Variants in GPHN observed in about 807,000 individuals in gnomAD.
GPHN encodes the protein gephyrin.
In GPHN, 17 loss-of-function variants were observed where a neutral mutation model predicts 95.5. That is an observed-to-expected ratio of 0.18 (90% CI 0.12 to 0.27). GPHN has a LOEUF of 0.27. Among genes scored for constraint, GPHN ranks in the 10% least tolerant of loss-of-function variants. The pLI, the probability that GPHN is intolerant of heterozygous loss-of-function variation, is 1.00. For synonymous variants in GPHN, 320 were observed against 322.5 expected, an observed-to-expected ratio of 0.99 and a Z score of 0.08; for missense variants, 660 against 978.1, an observed-to-expected ratio of 0.67 and a Z score of 4.34.
At chr14:67,611,615 T>C in the GPHN span, among the ~76,000 whole-genome samples, 1 of 152,088 alleles carries the variant, frequency 6.6e-6, no homozygotes, top group Non-Finnish European at 1.5e-5. Context: ...CTTTCCCTAC[T>C]TTGTATCGGT....
intron 1 of GPHN, among the ~76,000 whole-genome samples, chr14:66,666,826 A>G (rs531520229): frequency 1.9e-4 from 29 of 152,300 alleles, no homozygotes; most frequent in African/African-American, 6.3e-4. Flanking sequence ...CATTCAAATA[A>G]GAAGAGAGGA....
chr14:67,400,842 TA>T, the GPHN span, among the ~76,000 whole-genome samples: 1 of 151,658 alleles, frequency 6.6e-6, no homozygotes, highest in Admixed American at 6.6e-5. Context: ...AATTAAAAAT[TA>T]GCTGGGCATG....
At chr14:67,049,351 C>A (rs893451764) in intron 10 of GPHN, among the ~76,000 whole-genome samples, 1 of 151,892 alleles carries the variant, frequency 6.6e-6, no homozygotes. Flanking sequence ...CCTCAGCCTC[C>A]GGAGTAGCTG....
the GPHN span, chr14:67,203,369 C>A: frequency 8.0e-7 from 1 of 1,249,234 alleles, no homozygotes; most frequent in South Asian, 1.6e-5. Flanking sequence ...AACGGAAACA[C>A]TGATGACAAT....
At chr14:67,140,701 C>T (rs1003597351) in intron 17 of GPHN, among the ~76,000 whole-genome samples, 2 of 152,098 alleles carry the variant, frequency 1.3e-5, no homozygotes, top group African/African-American at 2.4e-5. Context: ...TCCATTTACT[C>T]CATAGTAAAT....
the GPHN span, chr14:67,473,344 G>A: frequency 6.4e-7 from 1 of 1,555,114 alleles, no homozygotes; most frequent in Non-Finnish European, 8.7e-7. The surrounding 1 kb of genome is among the most constrained non-coding windows in gnomAD (Gnocchi z 6.5). Flanking sequence ...CTGCATGGAT[G>A]GGGCAACCTC....
intron 5 of GPHN, among the ~76,000 whole-genome samples, chr14:66,885,223 A>T (rs966713229): frequency 2.0e-5 from 3 of 151,996 alleles, no homozygotes; most frequent in South Asian, 4.1e-4. Flanking sequence ...TCTGTAGGGG[A>T]GCATAAGATG....
chr14:66,604,181 G>A (rs925936899), intron 1 of GPHN, among the ~76,000 whole-genome samples: 22 of 152,034 alleles, frequency 1.4e-4, no homozygotes, highest in African/African-American at 5.3e-4. Flanking sequence ...GAGCTGCAAA[G>A]TATAGGCAGT....
chr14:66,556,468 T>G (rs2140230089), intron 1 of GPHN, among the ~76,000 whole-genome samples: 1 of 152,310 alleles, frequency 6.6e-6, no homozygotes, highest in East Asian at 1.9e-4. Flanking sequence ...TCTGTACTCT[T>G]GGTTCCTGCC....
At chr14:67,078,700 A>G (rs2076584950) in intron 11 of GPHN, among the ~76,000 whole-genome samples, 1 of 152,146 alleles carries the variant, frequency 6.6e-6, no homozygotes, top group South Asian at 2.1e-4. Flanking sequence ...GACTGGTTGG[A>G]AAAGCTAGAA....
At chr14:67,223,379 T>C in the GPHN span, among the ~76,000 whole-genome samples, 1 of 152,204 alleles carries the variant, frequency 6.6e-6, no homozygotes, top group African/African-American at 2.4e-5. Context: ...TCTATACTAC[T>C]GAACCTGAGA....
intron 17 of GPHN, among the ~76,000 whole-genome samples, chr14:67,138,305 A>C (rs1415957940): frequency 6.6e-6 from 1 of 152,184 alleles, no homozygotes; most frequent in African/African-American, 2.4e-5. Context: ...CTTGGATATT[A>C]ATTGATCTTA....
At chr14:67,710,844 G>A in the GPHN span, among the ~76,000 whole-genome samples, 2 of 151,434 alleles carry the variant, frequency 1.3e-5, no homozygotes, top group African/African-American at 4.9e-5. Context: ...TGATGAATGT[G>A]TCTACAAGTA....
At chr14:67,476,455 CATGCA>C in the GPHN span, among the ~76,000 whole-genome samples, 1 of 151,978 alleles carries the variant, frequency 6.6e-6, no homozygotes, top group Non-Finnish European at 1.5e-5. Context: ...GGTGTGGTGG[CATGCA>C]CCTGTAGTCT....
chr14:67,023,912 G>A (rs2073794372), intron 10 of GPHN, among the ~76,000 whole-genome samples: 2 of 152,064 alleles, frequency 1.3e-5, no homozygotes, highest in South Asian at 4.1e-4. Context: ...AGGAGGGTAG[G>A]AATGAGCTCC....
At chr14:67,153,056 T>A (rs1420747162) in intron 18 of GPHN, among the ~76,000 whole-genome samples, 4 of 152,036 alleles carry the variant, frequency 2.6e-5, no homozygotes, top group African/African-American at 9.7e-5. Context: ...ATCCTAGCAC[T>A]TTCAGAGGCC....
chr14:67,074,394 G>A (rs1274959079), intron 11 of GPHN, among the ~76,000 whole-genome samples: 1 of 151,686 alleles, frequency 6.6e-6, no homozygotes, highest in Non-Finnish European at 1.5e-5. Flanking sequence ...ATTATTTGGG[G>A]GCACCACAAA....
the GPHN span, chr14:67,590,122 C>T: frequency 6.4e-7 from 1 of 1,551,318 alleles, no homozygotes; most frequent in Non-Finnish European, 8.7e-7. Context: ...CCAGGATCTC[C>T]TGGCAGCTCC....
chr14:66,700,697 G>A (rs1002351532), intron 2 of GPHN, among the ~76,000 whole-genome samples: 1 of 152,074 alleles, frequency 6.6e-6, no homozygotes, highest in East Asian at 1.9e-4. Context: ...GGCCGAGGCG[G>A]GTGGATCATG....
Sources: gnomAD v4.1 joint callset for allele counts (sites outside exome capture counted in the v4.1 genomes callset) on GRCh38, gnomAD v4.1.1 for gene constraint, Gnocchi (gnomAD v3.1) non-coding constraint, MANE v1.5 for transcripts, NCBI Gene and HGNC (gene_info 2026-07-23, HGNC 2026-07-21) for gene names.